RHBDF1: variants seen among roughly 807,000 people sequenced by gnomAD.
The protein encoded by RHBDF1 is rhomboid 5 homolog 1.
A neutral mutation model predicts 98.6 loss-of-function variants in RHBDF1; 80 were observed. The observed-to-expected ratio is 0.81, with a 90% CI of 0.68 to 0.98. The LOEUF is 0.98. Ranked by LOEUF, RHBDF1 falls within the 50% of genes least tolerant of loss-of-function variation. The pLI, the probability that RHBDF1 is intolerant of heterozygous loss-of-function variation, is 0.00. For synonymous variants in RHBDF1, 512 were observed against 486.8 expected, an observed-to-expected ratio of 1.05 and a Z score of -0.68; for missense variants, 1,116 against 1,198.3, an observed-to-expected ratio of 0.93 and a Z score of 1.01.
chr16:72,002 GGCTCCT>G (rs1897983231), intron 1 of RHBDF1, among the ~76,000 whole-genome samples: 1 of 152,226 alleles, frequency 6.6e-6, no homozygotes, highest in Admixed American at 6.5e-5. Context: ...CCAGCTCCAC[GGCTCCT>G]GCTATTCCCA....
At chr16:70,498 G>A (rs1897943168) in intron 1 of RHBDF1, among the ~76,000 whole-genome samples, 1 of 152,320 alleles carries the variant, frequency 6.6e-6, no homozygotes, top group South Asian at 2.1e-4. Flanking sequence ...AGCAGGATAG[G>A]ACTAGAGAGG....
Position 58,255 on chromosome 16 carries a change from G to T in RHBDF1, c.*85C>A. On this transcript the variant is annotated 3_prime_UTR_variant, in exon 18 of 18. Coordinates refer to ENST00000262316, the MANE Select transcript of RHBDF1 (RefSeq NM_022450.5). ...AGGCCAGTCCCCACATGGAGCAGGT[G>T]ACTCCTGTAAGCCTGTGAGGCTCAG... The T allele has an allele frequency of 7.4e-7, 1 of 1,345,752 alleles. No homozygotes were observed. The highest frequency in any genetic ancestry group is 1.0e-6 in the Non-Finnish European group (1 of 978,276). The allele number at this position is 1,345,752 out of a possible 1,614,324, so 83.4% of individuals were successfully genotyped here.
At position 58,122 on chromosome 16, in the gene RHBDF1, A is replaced by G; in HGVS notation, c.*218T>C. The G allele has an allele frequency of 1.9e-6, 1 of 522,468 alleles. No individual in the cohort carries two copies. The highest frequency in any genetic ancestry group is 3.4e-6 in the Non-Finnish European group (1 of 298,052). The allele number at this position is 522,468 out of a possible 1,614,324, so 32.4% of individuals were successfully genotyped here. On this transcript the variant is annotated 3_prime_UTR_variant, in exon 18 of 18. Transcript: ENST00000262316. ...TTGGCCACATGAGGTGGTCGTCAAGAAACAAGTTAGAAGGTTATGACAGGA... is the reference window on the plus strand; with the variant it reads ...TTGGCCACATGAGGTGGTCGTCAAGGAACAAGTTAGAAGGTTATGACAGGA...
chr16:64,614 T>C, intron 3 of RHBDF1, 85 bp downstream of exon 3: 2 of 1,546,560 alleles, frequency 1.3e-6, no homozygotes, highest in Non-Finnish European at 1.7e-6. Flanking sequence ...AGGGCCCTTG[T>C]TCTCATTTCC....
chr16:75,153 C>G (rs1201350465), upstream of RHBDF1, among the ~76,000 whole-genome samples: 2 of 152,230 alleles, frequency 1.3e-5, no homozygotes, highest in Admixed American at 1.3e-4. Context: ...CTCCCGGCCC[C>G]TCTCTTCCCG....
At chr16:63,908 TC>T in intron 3 of RHBDF1, 108 bp from the exon 4 acceptor site, 1 of 967,330 alleles carries the variant, frequency 1.0e-6, no homozygotes, top group Non-Finnish European at 1.6e-6. Flanking sequence ...CTGTAGTCAC[TC>T]CAGGGACCAG....
chr16:67,419 C>T (rs1897858025), intron 1 of RHBDF1, among the ~76,000 whole-genome samples: 1 of 152,208 alleles, frequency 6.6e-6, no homozygotes, highest in Non-Finnish European at 1.5e-5. Flanking sequence ...CCCAGCAGCA[C>T]TAGGCGACAT....
At chr16:75,132 C>A (rs1032419823), upstream of RHBDF1, among the ~76,000 whole-genome samples, 1 of 152,158 alleles carries the variant, frequency 6.6e-6, no homozygotes. Context: ...GCCCCCTATA[C>A]GGAAACCCAG....
At chr16:73,199 G>A (rs1161623325), upstream of RHBDF1, among the ~76,000 whole-genome samples, 2 of 152,080 alleles carry the variant, frequency 1.3e-5, no homozygotes, top group East Asian at 3.9e-4. Flanking sequence ...ACCTACTCAT[G>A]TACATCTTTC....
rs1000463847 is a variant in RHBDF1, at chr16:62,871, A to C, written c.699T>G (p.Phe233Leu). The change falls in exon 6 of 18, where the codon TTT becomes TTG. Residue 233 changes from phenylalanine to leucine, a missense_variant. Coordinates refer to ENST00000262316, the MANE Select transcript of RHBDF1 (RefSeq NM_022450.5). ...MKGRSVRDGT[F>L]RRAQRRSFTP... ...TGAAGCTTCGACGCTGTGCCCGGCG[A>C]AAGGTGCCATCCCTAACGGAGCGGC... The C allele has an allele frequency of 5.0e-6, 8 of 1,613,806 alleles. No homozygotes were observed. The highest frequency in any genetic ancestry group is 6.8e-6 in the Non-Finnish European group (8 of 1,179,970).
chr16:59,673 A>G (rs216599), intron 14 of RHBDF1, 59 bp downstream of exon 14: 1,345,712 of 1,588,078 alleles, frequency 0.85, 571,239 homozygotes, highest in African/African-American at 0.96. Context: ...GAGAAGGCAC[A>G]CCCTAGGGCG....
In RHBDF1 at chr16:72,558, A is replaced by AGG. The variant is rs71139742; in HGVS notation, c.-72_-71dup. ...GGGGGTCCTGAGGGCGCCGGGGAGG[A>AGG]GGCTGCCGCCGCTGGCCGGGAGGGC... On this transcript the variant is annotated 5_prime_UTR_variant, in exon 1 of 18. Coordinates refer to ENST00000262316, the MANE Select transcript of RHBDF1 (RefSeq NM_022450.5). 979,511 of 979,990 alleles carry AGG rather than the reference A, an allele frequency of 1. 489,516 individuals carry two copies. The highest frequency in any genetic ancestry group is 1 in the East Asian group (8,666 of 8,666). The allele number at this position is 979,990 out of a possible 1,614,324, so 60.7% of individuals were successfully genotyped here. A position where few individuals can be genotyped will look rare whatever the true frequency, so the allele number is the denominator to read the frequency against.
In RHBDF1 at chr16:64,935, C is replaced by G; in HGVS notation, c.81G>C (p.Ala27=). 6.3e-7 allele frequency: 1 copy of G among 1,597,988 alleles called. No individual in the cohort carries two copies. Among genetic ancestry groups the G allele is most frequent in the East Asian group, 2.2e-5 (1 of 44,496 alleles). Residue 27 remains alanine (A), a synonymous_variant, in exon 2 of 18, where the codon GCG becomes GCC. Coordinates refer to ENST00000262316, the MANE Select transcript of RHBDF1 (RefSeq NM_022450.5). ...TGGGCTCTTCTGCCGTCAGGGGCAC[C>G]GCAGAGGGAATGTCCAGCTTTAGCC... is the stretch of plus-strand genomic sequence containing the variant. ...PPWLKLDIPS[A]VPLTAEEPSF...
At chr16:59,635 T>G in intron 14 of RHBDF1, 97 bp downstream of exon 14, 1 of 1,506,378 alleles carries the variant, frequency 6.6e-7, no homozygotes, top group African/African-American at 1.4e-5. Context: ...ATCCTTGGTA[T>G]ACTGGCTTAT....
upstream of RHBDF1, chr16:73,852 C>A (rs567321217): frequency 2.3e-5 from 19 of 834,252 alleles, no homozygotes; most frequent in East Asian, 2.0e-3. Context: ...CCGACGCAGA[C>A]AATGGCCTGC....
chr16:71,896 T>C (rs2141872362), intron 1 of RHBDF1, among the ~76,000 whole-genome samples: 1 of 152,326 alleles, frequency 6.6e-6, no homozygotes, highest in African/African-American at 2.4e-5. Flanking sequence ...TGAGAGTCTG[T>C]CTTCGGGAGT....
At position 62,490 on chromosome 16, in the gene RHBDF1, G is replaced by A. The variant is rs758487243; in HGVS notation, c.953+48C>T. 23 of 1,596,812 alleles carry A rather than the reference G, an allele frequency of 1.4e-5. No homozygotes were observed. In the East Asian group the frequency reaches 3.1e-4, roughly 22 times the overall value. ...CGATACTCGCCCAGCTGTTCCTGAC[G>A]GGCCCCGGGGTCTCTCTCTGCCCCT... On this transcript the variant is annotated intron_variant, in intron 7 of 17. Coordinates refer to ENST00000262316, the MANE Select transcript of RHBDF1 (RefSeq NM_022450.5).
At chr16:69,199 G>T (rs980769000) in intron 1 of RHBDF1, among the ~76,000 whole-genome samples, 1 of 152,152 alleles carries the variant, frequency 6.6e-6, no homozygotes, top group Non-Finnish European at 1.5e-5. Context: ...CTAGAGAGAA[G>T]CTCTGGCCAG....
intron 1 of RHBDF1, among the ~76,000 whole-genome samples, chr16:67,281 C>T (rs1273470352): frequency 3.9e-5 from 6 of 152,174 alleles, no homozygotes; most frequent in Admixed American, 2.6e-4. Context: ...AGAAAATGGA[C>T]GAATGCTCTT....
Sources: gnomAD v4.1 joint callset for allele counts (sites outside exome capture counted in the v4.1 genomes callset) on GRCh38, gnomAD v4.1.1 for gene constraint, MANE v1.5 for transcripts, NCBI Gene and HGNC (gene_info 2026-07-23, HGNC 2026-07-21) for gene names.